MLLT3: variants seen among roughly 807,000 people sequenced by gnomAD.
The protein encoded by MLLT3 is protein AF-9.
Under a neutral mutation model 53.2 loss-of-function variants are expected in MLLT3, and 4 were observed. The ratio of observed to expected loss-of-function variants is 0.08; its 90% CI spans 0.04 to 0.17. The LOEUF (loss-of-function observed/expected upper bound fraction) is 0.17, where lower values mean the gene tolerates loss of function less well. Ranked by LOEUF, MLLT3 falls within the 10% of genes least tolerant of loss-of-function variation. The pLI is 1.00. For missense variants in MLLT3, 569 were observed against 684.0 expected (o/e 0.83, Z 1.87); for synonymous variants, 283 against 230.6 (o/e 1.23, Z -2.06).
intron 2 of MLLT3, among the ~76,000 whole-genome samples, chr9:20,619,406 A>G (rs905111076): frequency 2.7e-5 from 4 of 148,754 alleles, no homozygotes; most frequent in African/African-American, 7.5e-5. Context: ...CTAAGCACCA[A>G]TACAAACCTC....
intron 5 of MLLT3, among the ~76,000 whole-genome samples, chr9:20,405,142 G>A (rs1183216497): frequency 6.6e-6 from 1 of 152,080 alleles, no homozygotes; most frequent in Non-Finnish European, 1.5e-5. Flanking sequence ...TTAGGGAAAA[G>A]TTCCCTCAGA....
At chr9:20,568,327 A>G (rs1324424980) in intron 2 of MLLT3, among the ~76,000 whole-genome samples, 1 of 152,160 alleles carries the variant, frequency 6.6e-6, no homozygotes, top group East Asian at 1.9e-4. Flanking sequence ...ACTTTTCTGA[A>G]TATTTTTAAA....
At chr9:20,436,832 C>A (rs1048376894) in intron 4 of MLLT3, among the ~76,000 whole-genome samples, 1 of 152,154 alleles carries the variant, frequency 6.6e-6, no homozygotes. Context: ...CCCTGATCCA[C>A]ATGCCCAGAA....
At position 20,344,939 on chromosome 9, in the gene MLLT3, A is replaced by G. The variant is rs1055535319; in HGVS notation, c.*1504T>C. ...TCCAGTGACGAACCTTTGGATCCAG[A>G]AGTATTTCTTCATTTCTCTTCTTTT... is the stretch of plus-strand genomic sequence containing the variant. On this transcript the variant is annotated 3_prime_UTR_variant, in exon 11 of 11. Transcript: ENST00000380338. The G allele has an allele frequency of 1.9e-5, 4 of 215,440 alleles. No individual in the cohort carries two copies. The highest frequency in any genetic ancestry group is 6.8e-5 in the African/African-American group (3 of 44,430). The allele number at this position is 215,440 out of a possible 1,614,324, so 13.3% of individuals were successfully genotyped here. A position where few individuals can be genotyped will look rare whatever the true frequency, so the allele number is the denominator to read the frequency against.
Position 20,352,150 on chromosome 9 carries a change from G to C in MLLT3, c.1575+1375C>G, listed in dbSNP as rs1415851916. 3.3e-5 allele frequency among the ~76,000 whole-genome samples: 5 copies of C among 152,222 alleles called. No individual in the cohort carries two copies. The East Asian group carries it at 9.6e-4, about 29-fold the overall frequency. ...GAATGCCAATGACACCCCAAGGTAAGATCTGCCCAATGGCCTAGTATCCTT... is the reference window on the plus strand; with the variant it reads ...GAATGCCAATGACACCCCAAGGTAACATCTGCCCAATGGCCTAGTATCCTT... On this transcript the variant is annotated intron_variant, in intron 10 of 10. Coordinates refer to ENST00000380338, the MANE Select transcript of MLLT3 (RefSeq NM_004529.4).
intron 5 of MLLT3, 129 bp from the exon 6 acceptor site, chr9:20,365,873 T>C: frequency 1.2e-6 from 1 of 833,356 alleles, no homozygotes; most frequent in African/African-American, 1.7e-5. Context: ...GTCAAATTAC[T>C]AACACAGGAG....
intron 2 of MLLT3, among the ~76,000 whole-genome samples, chr9:20,575,654 T>C (rs1306580030): frequency 1.3e-5 from 2 of 152,302 alleles, no homozygotes; most frequent in African/African-American, 4.8e-5. Flanking sequence ...CAATGAGCAG[T>C]AATATTTTGA....
intron 2 of MLLT3, among the ~76,000 whole-genome samples, chr9:20,544,550 G>A (rs1188631053): frequency 2.0e-5 from 3 of 152,166 alleles, no homozygotes; most frequent in Non-Finnish European, 2.9e-5. Context: ...TCTTTTCCAC[G>A]TAGGATGGCC....
At chr9:20,405,435 T>C (rs573352415) in intron 5 of MLLT3, among the ~76,000 whole-genome samples, 2 of 152,328 alleles carry the variant, frequency 1.3e-5, no homozygotes, top group East Asian at 1.9e-4. Context: ...AATATCACAG[T>C]GGTTTTAATT....
At chr9:20,580,341 T>C (rs1190423401) in intron 2 of MLLT3, among the ~76,000 whole-genome samples, 1 of 152,166 alleles carries the variant, frequency 6.6e-6, no homozygotes, top group Non-Finnish European at 1.5e-5. Context: ...ACACTTTGCA[T>C]GTTACGTTAG....
chr9:20,520,266 G>A (rs1388720151), intron 2 of MLLT3, among the ~76,000 whole-genome samples: 3 of 151,982 alleles, frequency 2.0e-5, no homozygotes, highest in Non-Finnish European at 4.4e-5. Context: ...TTATACCTGG[G>A]TGATGAAATA....
intron 2 of MLLT3, among the ~76,000 whole-genome samples, chr9:20,520,152 AACACATGG>A (rs1818022393): frequency 6.6e-6 from 1 of 152,154 alleles, no homozygotes; most frequent in Admixed American, 6.5e-5. Context: ...AAATGATGAG[AACACATGG>A]ACACATAGAG....
intron 5 of MLLT3, among the ~76,000 whole-genome samples, chr9:20,403,870 G>C (rs1319232442): frequency 1.3e-5 from 2 of 152,142 alleles, no homozygotes; most frequent in African/African-American, 4.8e-5. Context: ...CCAGGCTGGA[G>C]TACAGTAGCA....
intron 5 of MLLT3, among the ~76,000 whole-genome samples, chr9:20,390,672 A>C (rs1274710773): frequency 6.6e-6 from 1 of 152,250 alleles, no homozygotes; most frequent in East Asian, 1.9e-4. Context: ...ACACTCTTCA[A>C]ATATGAAAAC....
At chr9:20,489,905 G>T (rs181881004) in intron 2 of MLLT3, among the ~76,000 whole-genome samples, 1 of 152,092 alleles carries the variant, frequency 6.6e-6, no homozygotes, top group Non-Finnish European at 1.5e-5. Flanking sequence ...CTTTTTCTGA[G>T]TCAGGGAAAG....
chr9:20,453,093 C>A (rs942072664), intron 3 of MLLT3, among the ~76,000 whole-genome samples: 5 of 152,066 alleles, frequency 3.3e-5, no homozygotes, highest in African/African-American at 1.2e-4. Flanking sequence ...CAGACTATAG[C>A]AAATATTTGG....
chr9:20,380,710 C>T (rs1821889083), intron 5 of MLLT3, among the ~76,000 whole-genome samples: 1 of 151,970 alleles, frequency 6.6e-6, no homozygotes. Flanking sequence ...AAAACACAGA[C>T]CGTTCTTTTC....
intron 2 of MLLT3, among the ~76,000 whole-genome samples, chr9:20,462,776 C>T (rs1430044346): frequency 6.6e-6 from 1 of 152,112 alleles, no homozygotes; most frequent in African/African-American, 2.4e-5. Flanking sequence ...CCTCTCGTTC[C>T]TTATCCCAGA....
chr9:20,565,765 G>A (rs1384179489), intron 2 of MLLT3, among the ~76,000 whole-genome samples: 1 of 150,532 alleles, frequency 6.6e-6, no homozygotes, highest in Non-Finnish European at 1.5e-5. Context: ...GTGGTGCCCT[G>A]AGACCTAGAC....
Sources: gnomAD v4.1 joint callset for allele counts (sites outside exome capture counted in the v4.1 genomes callset) on GRCh38, gnomAD v4.1.1 for gene constraint, MANE v1.5 for transcripts, NCBI Gene and HGNC (gene_info 2026-07-23, HGNC 2026-07-21) for gene names.